STK31: variants seen among roughly 807,000 people sequenced by gnomAD.
STK31 encodes the protein serine/threonine-protein kinase 31.
A neutral mutation model predicts 129.7 loss-of-function variants in STK31; 89 were observed. The ratio of observed to expected loss-of-function variants is 0.69; its 90% CI spans 0.58 to 0.82. The LOEUF (loss-of-function observed/expected upper bound fraction) is 0.82. Among genes scored for constraint, STK31 ranks in the 40% least tolerant of loss-of-function variants. The pLI, the probability that STK31 is intolerant of heterozygous loss-of-function variation, is 0.00. For missense variants in STK31, 1,187 were observed against 1,176.4 expected, an observed-to-expected ratio of 1.01 and a Z score of -0.13; for synonymous variants, 448 against 395.3, an observed-to-expected ratio of 1.13 and a Z score of -1.58.
intron 22 of STK31, among the ~76,000 whole-genome samples, chr7:23,796,995 C>T (rs1161234917): frequency 1.3e-5 from 2 of 151,450 alleles, no homozygotes; most frequent in African/African-American, 2.4e-5. Flanking sequence ...TTTTAACCAA[C>T]AAAGATCAAG....
chr7:23,777,289 T>C (rs1010031561), intron 15 of STK31, among the ~76,000 whole-genome samples: 6 of 152,336 alleles, frequency 3.9e-5, no homozygotes, highest in Non-Finnish European at 7.3e-5. Flanking sequence ...CTGAAAAGAA[T>C]GTATATTCTG....
In STK31 at chr7:23,795,421, C is replaced by T. The variant is rs144653232; in HGVS notation, c.2760+4475C>T. Among the ~76,000 whole-genome samples, 579 of 152,348 alleles carry T rather than the reference C, an allele frequency of 3.8e-3. 3 individuals carry two copies. The highest frequency in any genetic ancestry group is 6.1e-3 in the Non-Finnish European group (415 of 68,034). On this transcript the variant is annotated intron_variant, in intron 22 of 23. Coordinates refer to ENST00000355870, the MANE Select transcript of STK31 (RefSeq NM_031414.5). ...GTATGGAAATGCCTGGATGTCCAGGCAGAAGTTTTCTGCAGGGGTGGAGCC... is the reference window on the plus strand; with the variant it reads ...GTATGGAAATGCCTGGATGTCCAGGTAGAAGTTTTCTGCAGGGGTGGAGCC...
In STK31 at chr7:23,832,363, T is replaced by A; in HGVS notation, c.3057T>A (p.Cys1019Ter). 1 of 1,604,840 alleles carries A rather than the reference T, an allele frequency of 6.2e-7. No homozygotes were observed. The highest frequency in any genetic ancestry group is 8.5e-7 in the Non-Finnish European group (1 of 1,176,746). The change falls in exon 24 of 24, where the codon TGT becomes TGA. Residue 1019 changes from cysteine to a stop codon, truncating the protein, a stop_gained. Coordinates refer to ENST00000355870, the MANE Select transcript of STK31 (RefSeq NM_031414.5). LOFTEE classifies it high-confidence loss of function. ...KTRNGEANFD[C>*] is the part of the protein sequence containing the mutation. ...GAAATGGTGAAGCCAACTTTGATTG[T>A]TAAATTATTATTGTTGTTGTTGCAG...
chr7:23,711,927 C>T (rs1785991129), intron 1 of STK31, among the ~76,000 whole-genome samples, 172 bp from the exon 2 acceptor site: 1 of 142,588 alleles, frequency 7.0e-6, no homozygotes, highest in Non-Finnish European at 1.6e-5. Context: ...CTACAAAATA[C>T]TCAAAAGAAT....
intron 22 of STK31, among the ~76,000 whole-genome samples, chr7:23,809,754 GAATT>G (rs1317927163): frequency 1.3e-5 from 2 of 152,154 alleles, no homozygotes; most frequent in Non-Finnish European, 2.9e-5. Context: ...CTATTTCAGA[GAATT>G]AAAGTGCTCC....
intron 17 of STK31, 107 bp from the exon 18 acceptor site, chr7:23,785,371 A>G (rs759538709): frequency 2.0e-5 from 29 of 1,453,754 alleles, no homozygotes; most frequent in African/African-American, 2.8e-5. Context: ...TTTCCAGTAC[A>G]GTTGATGGTG....
chr7:23,823,404 A>C (rs1793911845), intron 23 of STK31, among the ~76,000 whole-genome samples: 1 of 152,146 alleles, frequency 6.6e-6, no homozygotes, highest in Non-Finnish European at 1.5e-5. Flanking sequence ...TCTTTTGAGA[A>C]GTGTCTGTTC....
chr7:23,823,585 GA>G lies in STK31; in HGVS notation c.2829+8375del, dbSNP rs1793924216. 4.6e-5 allele frequency among the ~76,000 whole-genome samples: 7 copies of G among 152,150 alleles called. No individual in the cohort carries two copies. In the South Asian group the frequency reaches 1.4e-3, roughly 31 times the overall value. On this transcript the variant is annotated intron_variant, in intron 23 of 23. Transcript: ENST00000355870. ...TGATGGTGGTTTCTTTTGCTGTGCAGAAGCTCTTTAGTTTAATTAGATCCCA... is the reference window on the plus strand; with the variant it reads ...TGATGGTGGTTTCTTTTGCTGTGCAGAGCTCTTTAGTTTAATTAGATCCCA...
At chr7:23,724,215 A>T (rs1460907114) in intron 4 of STK31, among the ~76,000 whole-genome samples, 1 of 152,216 alleles carries the variant, frequency 6.6e-6, no homozygotes, top group African/African-American at 2.4e-5. Flanking sequence ...CTTTGAAAAA[A>T]ATCCTGGGAA....
In STK31 at chr7:23,815,150, G is replaced by A; in HGVS notation, c.2767G>A (p.Val923Ile). 2 of 1,600,478 alleles carry A rather than the reference G, an allele frequency of 1.2e-6. No homozygotes were observed. The highest frequency in any genetic ancestry group is 1.7e-6 in the Non-Finnish European group (2 of 1,173,596). ...TTCTTACTTTCTTTCACAGCTTTCTGTTCAAAATCAGGAGTTTGAGATAAA... is the reference window on the plus strand; with the variant it reads ...TTCTTACTTTCTTTCACAGCTTTCTATTCAAAATCAGGAGTTTGAGATAAA... ...AYGCLLLWLS[V>I]QNQEFEINKD... The change falls in exon 23 of 24, where the codon GTT becomes ATT. Residue 923 changes from valine (V) to isoleucine (I), a missense_variant. By Grantham distance (29) the Val-to-Ile change is conservative. Coordinates refer to ENST00000355870, the MANE Select transcript of STK31 (RefSeq NM_031414.5).
chr7:23,717,619 G>A, intron 4 of STK31, 40 bp downstream of exon 4: 1 of 1,469,160 alleles, frequency 6.8e-7, no homozygotes, highest in Non-Finnish European at 9.4e-7. Context: ...CATTCCTCCT[G>A]TCAGCTTTCC....
rs534142830 is a variant in STK31, at chr7:23,723,393, C to A, written c.250-3848C>A. ...ATCTGAGACCCATCATTGGAGCCAA[C>A]TCATTCCTCAATTTTTAAAATTTTT... On this transcript the variant is annotated intron_variant, in intron 4 of 23. Coordinates refer to ENST00000355870, the MANE Select transcript of STK31 (RefSeq NM_031414.5). 5.9e-5 allele frequency among the ~76,000 whole-genome samples: 9 copies of A among 152,182 alleles called. No individual in the cohort carries two copies. The East Asian group carries it at 1.5e-3, about 26-fold the overall frequency.
At chr7:23,750,159 G>T (rs1788628596) in intron 8 of STK31, among the ~76,000 whole-genome samples, 1 of 147,332 alleles carries the variant, frequency 6.8e-6, no homozygotes, top group Non-Finnish European at 1.5e-5. Context: ...CTAGCTCCTG[G>T]AGGTAAAATT....
chr7:23,791,074 A>G, intron 22 of STK31, 128 bp downstream of exon 22: 12 of 999,406 alleles, frequency 1.2e-5, no homozygotes, highest in Non-Finnish European at 1.4e-5. Flanking sequence ...AGTTTTAACA[A>G]AAACTATTGA....
At chr7:23,791,132 T>C (rs1791590217) in intron 22 of STK31, among the ~76,000 whole-genome samples, 186 bp downstream of exon 22, 1 of 152,202 alleles carries the variant, frequency 6.6e-6, no homozygotes, top group Non-Finnish European at 1.5e-5. Flanking sequence ...TGGCTTGATG[T>C]ATATTTTAGG....
At chr7:23,731,845 T>C (rs1001309652) in intron 6 of STK31, among the ~76,000 whole-genome samples, 1 of 152,234 alleles carries the variant, frequency 6.6e-6, no homozygotes, top group African/African-American at 2.4e-5. Context: ...TTCTAATATA[T>C]ACAGGCAGAA....
chr7:23,812,104 C>T (rs527924033), intron 22 of STK31, among the ~76,000 whole-genome samples: 39 of 152,250 alleles, frequency 2.6e-4, no homozygotes, highest in Admixed American at 7.2e-4. Flanking sequence ...TGAAGTACTT[C>T]CTTTAGCCAC....
In STK31 at chr7:23,710,251, G is replaced by A. The variant is rs545398696; in HGVS notation, c.-35G>A. ...AAGCTCACGCGGTAAGCCGCTGCAC[G>A]TGTGCTACGGCGGGCGGAGGGCCGA... On this transcript the variant is annotated 5_prime_UTR_variant, in exon 1 of 24. The change creates a new upstream start codon in the 5' untranslated region. Coordinates refer to ENST00000355870, the MANE Select transcript of STK31 (RefSeq NM_031414.5). 1.2e-6 allele frequency: 2 copies of A among 1,612,308 alleles called. No individual in the cohort carries two copies. Among genetic ancestry groups the A allele is most frequent in the Admixed American group, 1.7e-5 (1 of 60,002 alleles).
rs540007670 is a variant in STK31 at position 23,785,517 on chromosome 7, C to T, written c.2188C>T (p.Leu730Phe). The change falls in exon 18 of 24, where the codon CTT becomes TTT. Residue 730 changes from leucine (L) to phenylalanine (F), a missense_variant. By Grantham distance (22) the Leu-to-Phe change is conservative (BLOSUM62 0). Transcript: ENST00000355870. ...CCTTACAATGAGCTTGGAACGAGAT[C>T]TTCTTGATGCTGAGCCCATGAAGGA... ...GLLTMSLERD[L>F]LDAEPMKELS... 1 of 1,613,906 alleles carries T rather than the reference C, an allele frequency of 6.2e-7. No individual in the cohort carries two copies. The highest frequency in any genetic ancestry group is 1.7e-5 in the Admixed American group (1 of 59,994).
Sources: gnomAD v4.1 joint callset for allele counts (sites outside exome capture counted in the v4.1 genomes callset) on GRCh38, gnomAD v4.1.1 for gene constraint, MANE v1.5 for transcripts, NCBI Gene and HGNC (gene_info 2026-07-23, HGNC 2026-07-21) for gene names.